GABRA1: variants seen among roughly 807,000 people sequenced by gnomAD.
The protein encoded by GABRA1 is gamma-aminobutyric acid receptor subunit alpha-1.
In GABRA1, 9 loss-of-function variants were observed where a neutral mutation model predicts 48.9. That is an observed-to-expected ratio of 0.18 (90% CI 0.11 to 0.32). The LOEUF (loss-of-function observed/expected upper bound fraction) is 0.32, where lower values mean the gene tolerates loss of function less well. GABRA1 is among the 10% of genes least tolerant of loss of function. The pLI is 1.00. For synonymous variants in GABRA1, 210 were observed against 198.7 expected (o/e 1.06, Z -0.48); for missense variants, 285 against 553.8 (o/e 0.51, Z 4.87).
At chr5:161,857,987 T>C (rs1757714344) in intron 3 of GABRA1, among the ~76,000 whole-genome samples, 1 of 135,290 alleles carries the variant, frequency 7.4e-6, no homozygotes, top group African/African-American at 2.6e-5. Flanking sequence ...AAGAAAAAAG[T>C]TAAAAAAAAA....
chr5:161,858,615 A>T (rs1757740182), intron 3 of GABRA1, among the ~76,000 whole-genome samples: 1 of 151,724 alleles, frequency 6.6e-6, no homozygotes, highest in Non-Finnish European at 1.5e-5. Flanking sequence ...TCATTTCCAC[A>T]TATCTAACTT....
intron 7 of GABRA1, among the ~76,000 whole-genome samples, chr5:161,887,441 T>TG (rs1013708280): frequency 1.7e-4 from 25 of 151,438 alleles, no homozygotes; most frequent in African/African-American, 5.3e-4. Flanking sequence ...ATGTAAGTCC[T>TG]GGGAAAAAAA....
intron 6 of GABRA1, among the ~76,000 whole-genome samples, chr5:161,876,373 A>G (rs1754354946): frequency 1.3e-5 from 2 of 151,968 alleles, no homozygotes; most frequent in South Asian, 2.1e-4. Context: ...ACATGCATGG[A>G]GTGAGTGGGA....
At chr5:161,890,872 T>A in intron 7 of GABRA1, 26 bp from the exon 8 acceptor site, 1 of 1,610,752 alleles carries the variant, frequency 6.2e-7, no homozygotes, top group South Asian at 1.1e-5. Flanking sequence ...AAATTGCTCA[T>A]CTTTCTTGTG....
At chr5:161,875,873 A>G (rs992735048) in intron 6 of GABRA1, among the ~76,000 whole-genome samples, 5 of 152,206 alleles carry the variant, frequency 3.3e-5, no homozygotes, top group African/African-American at 1.2e-4. Flanking sequence ...CTAGTTATTG[A>G]AATAATTCTA....
intron 3 of GABRA1, among the ~76,000 whole-genome samples, chr5:161,864,125 T>G (rs1349038749): frequency 6.6e-6 from 1 of 152,062 alleles, no homozygotes; most frequent in East Asian, 1.9e-4. Context: ...GTTCTCATTT[T>G]GAGCTTTTAA....
intron 7 of GABRA1, among the ~76,000 whole-genome samples, chr5:161,886,725 C>A (rs1043410415): frequency 6.6e-6 from 1 of 151,034 alleles, no homozygotes; most frequent in African/African-American, 2.4e-5. Flanking sequence ...TTCACTGAGT[C>A]GAGACTACAC....
intron 7 of GABRA1, among the ~76,000 whole-genome samples, chr5:161,887,551 A>T (rs964612313): frequency 6.6e-6 from 1 of 152,168 alleles, no homozygotes; most frequent in African/African-American, 2.4e-5. Context: ...GTGTCCCCTT[A>T]TCTCTATTTA....
intron 2 of GABRA1, among the ~76,000 whole-genome samples, chr5:161,853,101 A>G (rs1757513649): frequency 6.6e-6 from 1 of 151,882 alleles, no homozygotes; most frequent in Non-Finnish European, 1.5e-5. Flanking sequence ...TGATTGAAAT[A>G]TATCAGTAAA....
chr5:161,851,132 G>T (rs1423695948), intron 2 of GABRA1, among the ~76,000 whole-genome samples: 2 of 152,066 alleles, frequency 1.3e-5, no homozygotes, highest in African/African-American at 4.8e-5. Flanking sequence ...GTCTTAGATT[G>T]AACTTCTCAC....
chr5:161,856,038 A>G (rs1757630924), intron 3 of GABRA1, among the ~76,000 whole-genome samples: 1 of 151,360 alleles, frequency 6.6e-6, no homozygotes, highest in Admixed American at 6.6e-5. Flanking sequence ...GCAAACTGTG[A>G]CTGTTCATTT....
intron 7 of GABRA1, 120 bp from the exon 8 acceptor site, chr5:161,890,778 G>A: frequency 2.3e-6 from 2 of 885,896 alleles, no homozygotes; most frequent in Non-Finnish European, 3.7e-6. Context: ...CCAAGAACTG[G>A]ATGTCACATG....
At chr5:161,896,232 A>G (rs1431174817) in intron 9 of GABRA1, among the ~76,000 whole-genome samples, 2 of 152,178 alleles carry the variant, frequency 1.3e-5, no homozygotes, top group Non-Finnish European at 2.9e-5. Context: ...TTATAACTTG[A>G]AAGTTATATT....
chr5:161,875,786 T>A (rs1235495722), intron 6 of GABRA1, 144 bp downstream of exon 6: 33 of 696,750 alleles, frequency 4.7e-5, no homozygotes, highest in Non-Finnish European at 2.6e-6. Flanking sequence ...TAAGTAGTGC[T>A]CTGTGACTTC....
intron 3 of GABRA1, among the ~76,000 whole-genome samples, chr5:161,855,444 T>C (rs898238423): frequency 6.6e-6 from 1 of 151,546 alleles, no homozygotes; most frequent in African/African-American, 2.4e-5. Flanking sequence ...TTACCAGGTG[T>C]CCTTTCTAAT....
rs534596233 is a variant in GABRA1, at chr5:161,873,783, T to C, written c.476+446T>C. On this transcript the variant is annotated intron_variant, in intron 5 of 9. Coordinates refer to ENST00000393943, the MANE Select transcript of GABRA1 (RefSeq NM_001127644.2). ...GTAGACATAGGTATTTTAAGAAGTATTTGAATTCACAATGGCGTTGATAGC... is the reference window on the plus strand; with the variant it reads ...GTAGACATAGGTATTTTAAGAAGTACTTGAATTCACAATGGCGTTGATAGC... Among the ~76,000 whole-genome samples the C allele has an allele frequency of 2.0e-5, 3 of 152,292 alleles. No individual in the cohort carries two copies. The South Asian group carries it at 6.2e-4, about 32-fold the overall frequency.
At chr5:161,886,640 G>A (rs1754859325) in intron 7 of GABRA1, among the ~76,000 whole-genome samples, 1 of 151,952 alleles carries the variant, frequency 6.6e-6, no homozygotes. Flanking sequence ...GCTGGCCATG[G>A]TGTTGCATGT....
At chr5:161,853,845 T>C (rs1561564801) in intron 2 of GABRA1, 1 of 193,756 alleles carries the variant, frequency 5.2e-6, no homozygotes, top group Admixed American at 6.0e-5. Flanking sequence ...TTTTTTTTTA[T>C]GTGCATTAGC....
At position 161,856,486 on chromosome 5, in the gene GABRA1, T is replaced by A. The variant is rs1374270022; in HGVS notation, c.187+2216T>A. Among the ~76,000 whole-genome samples the A allele has an allele frequency of 2.0e-5, 3 of 151,498 alleles. 1 individual carries two copies. The highest frequency in any genetic ancestry group is 6.6e-5 in the Admixed American group (1 of 15,180). The stretch of plus-strand genomic sequence containing the variant: ...GATGTGCTTTTATCTTTACTAAAGA[T>A]GGTTTTTCTGATATTTCTGATTCCT... On this transcript the variant is annotated intron_variant, in intron 3 of 9. Transcript: ENST00000393943.
Sources: allele counts gnomAD v4.1 joint callset (sites outside exome capture counted in the v4.1 genomes callset), GRCh38; gene constraint gnomAD v4.1.1; transcripts MANE v1.5; gene names NCBI Gene and HGNC (gene_info 2026-07-23, HGNC 2026-07-21).